SYN3: variants seen among roughly 807,000 people sequenced by gnomAD.
SYN3 encodes synapsin III, also known as synapsin-3.
In SYN3, 35 loss-of-function variants were observed where a neutral mutation model predicts 65.8. The ratio of observed to expected loss-of-function variants is 0.53; its 90% CI spans 0.41 to 0.70. The LOEUF (loss-of-function observed/expected upper bound fraction) is 0.70. Among genes scored for constraint, SYN3 ranks in the 30% least tolerant of loss-of-function variants. The probability of loss-of-function intolerance (pLI) is 0.00; values close to 1 mark genes in which losing one functional copy is unlikely to be tolerated. For synonymous variants in SYN3, 270 were observed against 292.9 expected (o/e 0.92, Z 0.80); for missense variants, 680 against 749.0 (o/e 0.91, Z 1.08).
At chr22:32,651,600 C>T (rs2146953009) in intron 6 of SYN3, among the ~76,000 whole-genome samples, 1 of 125,420 alleles carries the variant, frequency 8.0e-6, no homozygotes, top group East Asian at 6.3e-4. Context: ...AGGCTTTAAA[C>T]TGAGGATGGC....
At chr22:32,903,390 T>C (rs1455637321) in intron 4 of SYN3, among the ~76,000 whole-genome samples, 1 of 152,212 alleles carries the variant, frequency 6.6e-6, no homozygotes, top group Non-Finnish European at 1.5e-5. Flanking sequence ...AAGTTCTATG[T>C]CTTAAACATT....
At chr22:33,052,816 A>G (rs1057291011) in intron 1 of SYN3, among the ~76,000 whole-genome samples, 1 of 152,264 alleles carries the variant, frequency 6.6e-6, no homozygotes, top group Non-Finnish European at 1.5e-5. Context: ...CAGAGCAAAG[A>G]GGATTTGGTC....
chr22:32,537,434 CAGGTGTG>C (rs1601590931), intron 9 of SYN3, among the ~76,000 whole-genome samples: 1 of 152,168 alleles, frequency 6.6e-6, no homozygotes, highest in Non-Finnish European at 1.5e-5. Context: ...GCTGGGATTA[CAGGTGTG>C]AGCCACCGCA....
At chr22:32,663,307 C>CTTTT (rs1555918916) in intron 6 of SYN3, among the ~76,000 whole-genome samples, 1 of 142,568 alleles carries the variant, frequency 7.0e-6, no homozygotes, top group Non-Finnish European at 1.5e-5. Flanking sequence ...CTTTTCTTCT[C>CTTTT]TTTTTTTTTT....
intron 6 of SYN3, among the ~76,000 whole-genome samples, chr22:32,802,963 G>A (rs1462538346): frequency 6.6e-6 from 1 of 152,160 alleles, no homozygotes; most frequent in Non-Finnish European, 1.5e-5. Context: ...CTTGAGTAGA[G>A]AGACCCTGTA....
At position 32,516,343 on chromosome 22, in the gene SYN3, T is replaced by TTTGATTGA. The variant is rs771874240; in HGVS notation, c.1610+1699_1610+1700insTCAATCAA. 3.8e-4 allele frequency among the ~76,000 whole-genome samples: 54 copies of TTTGATTGA among 140,454 alleles called. 1 individual carries two copies. The highest frequency in any genetic ancestry group is 1.5e-3 in the African/African-American group (53 of 35,788). 92.1% of individuals were successfully genotyped at this position (140,454 alleles called of 152,430 possible). ...GGAACGAGGCTTTTCAACATACATC[T>TTTGATTGA]TTGATTTATTTATTTATTTATTTAT... On this transcript the variant is annotated intron_variant, in intron 13 of 13. Transcript: ENST00000358763.
chr22:32,543,238 G>T lies in SYN3; in HGVS notation c.775-1525C>A, dbSNP rs1382656949. Among the ~76,000 whole-genome samples, 3 of 152,172 alleles carry T rather than the reference G, an allele frequency of 2.0e-5. No individual in the cohort carries two copies. In the East Asian group the frequency reaches 5.8e-4, roughly 29 times the overall value. ...GGGGCCCAAACAGGATTGTGAGCAG[G>T]CAGGCAGGCTGGGCACTGTCGTGGT... On this transcript the variant is annotated intron_variant, in intron 7 of 13. Transcript: ENST00000358763.
chr22:33,027,733 A>G (rs1601928674), intron 1 of SYN3, among the ~76,000 whole-genome samples: 1 of 152,194 alleles, frequency 6.6e-6, no homozygotes, highest in Admixed American at 6.5e-5. Flanking sequence ...CACAGGGGTT[A>G]AGTTCCTCAT....
At chr22:32,515,803 T>C (rs987839908) in intron 13 of SYN3, among the ~76,000 whole-genome samples, 1 of 145,798 alleles carries the variant, frequency 6.9e-6, no homozygotes, top group South Asian at 2.2e-4. Flanking sequence ...TGCTCCAGGA[T>C]TTTTTTTTTT....
intron 6 of SYN3, among the ~76,000 whole-genome samples, chr22:32,599,564 G>A (rs1435577231): frequency 1.1e-4 from 16 of 151,848 alleles, no homozygotes; most frequent in Admixed American, 2.6e-4. Flanking sequence ...CTCGTGATCC[G>A]CCCGCCTCAG....
intron 6 of SYN3, among the ~76,000 whole-genome samples, chr22:32,770,812 A>G (rs2045747187): frequency 6.7e-6 from 1 of 150,234 alleles, no homozygotes. Context: ...GGAGGATTAA[A>G]TGGATTACTC....
At chr22:32,522,193 T>C (rs1255766382) in intron 12 of SYN3, among the ~76,000 whole-genome samples, 1 of 152,240 alleles carries the variant, frequency 6.6e-6, no homozygotes, top group East Asian at 1.9e-4. Flanking sequence ...GATTTGTTAA[T>C]TGGGGAACTC....
chr22:32,898,157 G>A (rs868719609), intron 4 of SYN3, among the ~76,000 whole-genome samples: 4 of 152,130 alleles, frequency 2.6e-5, no homozygotes, highest in African/African-American at 4.8e-5. Flanking sequence ...CACCACATCC[G>A]GCTAATTTTT....
chr22:32,757,587 G>A (rs958903815), intron 6 of SYN3, among the ~76,000 whole-genome samples: 6 of 151,774 alleles, frequency 4.0e-5, no homozygotes, highest in Non-Finnish European at 4.4e-5. Flanking sequence ...GTGAACCACC[G>A]TGCCCGGCCT....
chr22:32,685,168 A>T (rs2060573540), intron 6 of SYN3, among the ~76,000 whole-genome samples: 1 of 152,232 alleles, frequency 6.6e-6, no homozygotes, highest in Non-Finnish European at 1.5e-5. Context: ...TCTGGACTTT[A>T]CAGAAGAACT....
intron 6 of SYN3, among the ~76,000 whole-genome samples, chr22:32,811,190 A>G (rs1045450742): frequency 6.6e-6 from 1 of 152,136 alleles, no homozygotes; most frequent in East Asian, 1.9e-4. Flanking sequence ...CAGGGAAGGC[A>G]TGTCTGGAGA....
At chr22:32,752,261 A>C (rs556535222) in intron 6 of SYN3, among the ~76,000 whole-genome samples, 4 of 152,162 alleles carry the variant, frequency 2.6e-5, no homozygotes, top group African/African-American at 9.6e-5. Context: ...GTGCCCTCTA[A>C]ATATAGGTCG....
At chr22:32,979,391 T>C (rs1369630735) in intron 3 of SYN3, among the ~76,000 whole-genome samples, 2 of 152,114 alleles carry the variant, frequency 1.3e-5, no homozygotes, top group Non-Finnish European at 2.9e-5. Flanking sequence ...GGAAAACCAG[T>C]AGACATTGGG....
At position 32,663,680 on chromosome 22, in the gene SYN3, G is replaced by A. The variant is rs1171507666; in HGVS notation, c.712-66944C>T. 4.6e-5 allele frequency among the ~76,000 whole-genome samples: 7 copies of A among 152,034 alleles called. No individual in the cohort carries two copies. In the East Asian group the frequency reaches 1.4e-3, roughly 29 times the overall value. ...GGGAACTGACTAATACAGCATGTAG[G>A]AACTATGAAATATGAATTGTGTAAT... On this transcript the variant is annotated intron_variant, in intron 6 of 13. Transcript: ENST00000358763.
Sources: gnomAD v4.1 joint callset for allele counts (sites outside exome capture counted in the v4.1 genomes callset) on GRCh38, gnomAD v4.1.1 for gene constraint, MANE v1.5 for transcripts, NCBI Gene and HGNC (gene_info 2026-07-23, HGNC 2026-07-21) for gene names.